Variants in FNDC3B observed in about 807,000 individuals in gnomAD.
FNDC3B encodes fibronectin type III domain-containing protein 3B.
A neutral mutation model predicts 151.5 loss-of-function variants in FNDC3B; 12 were observed. The observed-to-expected ratio is 0.08, with a 90% CI of 0.05 to 0.13. The LOEUF (loss-of-function observed/expected upper bound fraction) is 0.13. Among genes scored for constraint, FNDC3B ranks in the 10% least tolerant of loss-of-function variants. The pLI, the probability that FNDC3B is intolerant of heterozygous loss-of-function variation, is 1.00. For synonymous variants in FNDC3B, 528 were observed against 549.0 expected (o/e 0.96, Z 0.54); for missense variants, 1,214 against 1,505.3 (o/e 0.81, Z 3.20).
intron 25 of FNDC3B, among the ~76,000 whole-genome samples, chr3:172,396,185 G>A (rs1250818848): frequency 6.6e-6 from 1 of 152,204 alleles, no homozygotes; most frequent in Non-Finnish European, 1.5e-5. Flanking sequence ...TTAAGGTATA[G>A]TTATAAGGAA....
intron 16 of FNDC3B, among the ~76,000 whole-genome samples, chr3:172,338,949 G>A (rs1733140973): frequency 6.6e-6 from 1 of 151,842 alleles, no homozygotes; most frequent in African/African-American, 2.4e-5. Context: ...GTTTTACCCA[G>A]GATAGTCTCG....
At chr3:172,086,360 T>TAA (rs11417506) in intron 1 of FNDC3B, among the ~76,000 whole-genome samples, 82,532 of 147,308 alleles carry the variant, frequency 0.56, 24,257 homozygotes, top group East Asian at 0.77. Context: ...ACCTGATCTT[T>TAA]AAAAAAAAAA....
At chr3:172,201,419 C>T (rs537001745) in intron 3 of FNDC3B, among the ~76,000 whole-genome samples, 10 of 152,260 alleles carry the variant, frequency 6.6e-5, no homozygotes, top group South Asian at 4.2e-4. Flanking sequence ...ATGGGATATG[C>T]GTGCGTACGT....
chr3:172,343,112 G>C lies in FNDC3B; in HGVS notation c.2073G>C (p.Glu691Asp). 6.5e-7 allele frequency: 1 copy of C among 1,539,844 alleles called. No individual in the cohort carries two copies. Among genetic ancestry groups the C allele is most frequent in the Non-Finnish European group, 9.0e-7 (1 of 1,112,946 alleles). The change falls in exon 18 of 26, where the codon GAG becomes GAC. Residue 691 changes from glutamate to aspartate, a missense_variant. By Grantham distance (45) the Glu-to-Asp change is conservative. This residue lies in a region of FNDC3B where 380 missense variants were observed against 420.9 expected (regional missense o/e 0.90). Transcript: ENST00000415807. ...GRPKHKEVHL[E>D]WDVPASESGC... is the part of the protein sequence containing the mutation. ...CAAAGCACAAAGAAGTCCACTTAGA[G>C]TGGGGTGAGTGAACTAACCTTCACA... is the stretch of plus-strand genomic sequence containing the variant.
chr3:172,250,505 T>A (rs751152651), intron 5 of FNDC3B, among the ~76,000 whole-genome samples: 10 of 152,256 alleles, frequency 6.6e-5, no homozygotes, highest in Non-Finnish European at 1.5e-4. Context: ...AGAAATACTA[T>A]TCTGTCTACA....
chr3:172,186,266 G>T (rs1299755059), intron 3 of FNDC3B, among the ~76,000 whole-genome samples: 1 of 152,148 alleles, frequency 6.6e-6, no homozygotes, highest in Non-Finnish European at 1.5e-5. Flanking sequence ...TATCACTGTT[G>T]ATGTCTAAAT....
intron 3 of FNDC3B, among the ~76,000 whole-genome samples, chr3:172,185,389 A>T (rs1340896791): frequency 1.3e-5 from 2 of 152,166 alleles, no homozygotes; most frequent in African/African-American, 4.8e-5. Flanking sequence ...CTTGGAAAAC[A>T]CCTAATCCTG....
At chr3:172,092,162 C>G (rs1172625531) in intron 1 of FNDC3B, among the ~76,000 whole-genome samples, 16 of 152,076 alleles carry the variant, frequency 1.1e-4, no homozygotes, top group Admixed American at 1.0e-3. Flanking sequence ...AGCAAACCTC[C>G]TATGTCAAAC....
At chr3:172,195,596 CT>C (rs1159915593) in intron 3 of FNDC3B, among the ~76,000 whole-genome samples, 1 of 152,214 alleles carries the variant, frequency 6.6e-6, no homozygotes, top group African/African-American at 2.4e-5. Context: ...CTTTTTATCT[CT>C]ATGCCTGGAG....
intron 3 of FNDC3B, among the ~76,000 whole-genome samples, chr3:172,192,226 G>A (rs1172646227): frequency 6.8e-6 from 1 of 147,770 alleles, no homozygotes; most frequent in Non-Finnish European, 1.5e-5. Flanking sequence ...AGGCTGGAGT[G>A]CAGTGGCGTG....
chr3:172,362,226 T>C (rs1734400341), intron 22 of FNDC3B, among the ~76,000 whole-genome samples: 1 of 152,236 alleles, frequency 6.6e-6, no homozygotes, highest in South Asian at 2.1e-4. Flanking sequence ...CCTGTGTTTT[T>C]GACTCTGAAG....
intron 3 of FNDC3B, among the ~76,000 whole-genome samples, chr3:172,193,688 C>T (rs140671819): frequency 2.6e-4 from 40 of 151,982 alleles, no homozygotes; most frequent in African/African-American, 9.6e-4. Context: ...TTCTTTCCTC[C>T]TCCTTGTGCT....
intron 6 of FNDC3B, among the ~76,000 whole-genome samples, chr3:172,257,145 A>G (rs1000167187): frequency 6.6e-6 from 1 of 152,094 alleles, no homozygotes; most frequent in Non-Finnish European, 1.5e-5. Context: ...TCCTGACCTC[A>G]GGTGATCCAC....
At chr3:172,366,531 T>A (rs908878595) in intron 23 of FNDC3B, among the ~76,000 whole-genome samples, 1 of 152,064 alleles carries the variant, frequency 6.6e-6, no homozygotes, top group Non-Finnish European at 1.5e-5. Flanking sequence ...CTTACAATTA[T>A]TGGAGTTTTA....
At chr3:172,113,656 A>G (rs1720098131) in intron 2 of FNDC3B, among the ~76,000 whole-genome samples, 2 of 152,120 alleles carry the variant, frequency 1.3e-5, no homozygotes, top group African/African-American at 4.8e-5. Flanking sequence ...CTGCTGGATT[A>G]CTTCCACCAA....
Position 172,039,652 on chromosome 3 carries a change from G to A in FNDC3B, c.-148G>A. 6.0e-6 allele frequency: 1 copy of A among 165,620 alleles called. No homozygotes were observed. The highest frequency in any genetic ancestry group is 1.3e-5 in the Non-Finnish European group (1 of 77,992). 10.3% of individuals were successfully genotyped at this position (165,620 alleles called of 1,614,324 possible). A position where few individuals can be genotyped will look rare whatever the true frequency, so the allele number is the denominator to read the frequency against. ...GGCGGCGGCGGCGGCTGGAGGAGGA[G>A]AGCGGCGGCGGCGGGAGCAGCGAAG... On this transcript the variant is annotated 5_prime_UTR_variant, in exon 1 of 26. Transcript: ENST00000415807.
rs1031212496 is a variant in FNDC3B at position 172,083,275 on chromosome 3, G to T, written c.-28-29177G>T. ...TCTTATGCTTAGGGCTTACTGGCAT[G>T]CCTATGTTGGTTCGTCCTTGCCTCC... On this transcript the variant is annotated intron_variant, in intron 1 of 25. Coordinates refer to ENST00000415807, the MANE Select transcript of FNDC3B (RefSeq NM_022763.4). Among the ~76,000 whole-genome samples, 12 of 152,348 alleles carry T rather than the reference G, an allele frequency of 7.9e-5. No individual in the cohort carries two copies. The South Asian group carries it at 8.3e-4, about 11-fold the overall frequency.
chr3:172,209,094 C>T lies in FNDC3B; in HGVS notation c.188-17777C>T, dbSNP rs1429994986. Among the ~76,000 whole-genome samples, 4 of 151,588 alleles carry T rather than the reference C, an allele frequency of 2.6e-5. 1 individual carries two copies. Among genetic ancestry groups the T allele is most frequent in the Non-Finnish European group, 5.9e-5 (4 of 67,904 alleles). The stretch of plus-strand genomic sequence containing the variant: ...CTCTCAGTAGGGCCACACCTCTTCT[C>T]TCCTCATTGCCTACAGTGCGCAGTG... On this transcript the variant is annotated intron_variant, in intron 3 of 25. Transcript: ENST00000415807.
chr3:172,344,331 C>T, intron 19 of FNDC3B, 73 bp downstream of exon 19: 1 of 1,377,408 alleles, frequency 7.3e-7, no homozygotes, highest in Non-Finnish European at 9.8e-7. Flanking sequence ...GCACTTCTGT[C>T]TCTAGCCTCC....
Sources: allele counts gnomAD v4.1 joint callset (sites outside exome capture counted in the v4.1 genomes callset), GRCh38; gene constraint gnomAD v4.1.1; regional missense constraint gnomAD v4.1.1; transcripts MANE v1.5; gene names NCBI Gene and HGNC (gene_info 2026-07-23, HGNC 2026-07-21).